GRIK4: variants seen among roughly 807,000 people sequenced by gnomAD.
GRIK4 encodes glutamate ionotropic receptor kainate type subunit 4.
Under a neutral mutation model 104.9 loss-of-function variants are expected in GRIK4, and 40 were observed. That is an observed-to-expected ratio of 0.38 (90% confidence interval 0.30 to 0.50). The LOEUF (loss-of-function observed/expected upper bound fraction) is 0.50, where lower values mean the gene tolerates loss of function less well. GRIK4 is among the 20% of genes least tolerant of loss of function. GRIK4 has a pLI of 0.93. For synonymous variants in GRIK4, 485 were observed against 524.9 expected (o/e 0.92, Z 1.04); for missense variants, 1,047 against 1,308.1 (o/e 0.80, Z 3.08).
At chr11:120,650,599 C>A (rs1949604228) in intron 1 of GRIK4, among the ~76,000 whole-genome samples, 1 of 152,222 alleles carries the variant, frequency 6.6e-6, no homozygotes, top group South Asian at 2.1e-4. Context: ...CCTTCACAGT[C>A]TGTAATTATG....
intron 3 of GRIK4, among the ~76,000 whole-genome samples, chr11:120,688,064 C>T (rs1194332577): frequency 6.6e-6 from 1 of 152,168 alleles, no homozygotes; most frequent in Non-Finnish European, 1.5e-5. Flanking sequence ...TCTTTGTCCC[C>T]CAGCAGCAGT....
intron 3 of GRIK4, among the ~76,000 whole-genome samples, chr11:120,691,308 GGGAAGATTCAGGGT>G (rs1340059921): frequency 6.6e-6 from 1 of 152,156 alleles, no homozygotes; most frequent in Admixed American, 6.5e-5. Flanking sequence ...AGTTAAGGTT[GGGAAGATTCAGGGT>G]GGAAGGAGGA....
chr11:120,777,338 A>G (rs556023686), intron 3 of GRIK4, among the ~76,000 whole-genome samples: 3 of 152,276 alleles, frequency 2.0e-5, no homozygotes, highest in East Asian at 1.9e-4. Flanking sequence ...GTAGATTTCT[A>G]TCTTACAACT....
intron 1 of GRIK4, among the ~76,000 whole-genome samples, chr11:120,640,832 C>A (rs1316530682): frequency 6.6e-6 from 1 of 152,154 alleles, no homozygotes. Flanking sequence ...CCTCAGCCTC[C>A]TGAGTAGCTG....
At chr11:120,595,892 G>T (rs1342033748) in intron 1 of GRIK4, among the ~76,000 whole-genome samples, 2 of 152,226 alleles carry the variant, frequency 1.3e-5, no homozygotes, top group Non-Finnish European at 2.9e-5. Context: ...TGTTGCCTGG[G>T]CTGGAGTGCA....
intron 1 of GRIK4, among the ~76,000 whole-genome samples, chr11:120,544,387 G>C (rs1452885229): frequency 6.6e-6 from 1 of 152,090 alleles, no homozygotes; most frequent in Non-Finnish European, 1.5e-5. Flanking sequence ...CTAGAGTGCA[G>C]TGGCATGATC....
chr11:120,897,997 A>C (rs1794694317), intron 11 of GRIK4, among the ~76,000 whole-genome samples: 1 of 152,116 alleles, frequency 6.6e-6, no homozygotes, highest in South Asian at 2.1e-4. Context: ...GATGTGAATA[A>C]CTTGCCTGAG....
intron 1 of GRIK4, among the ~76,000 whole-genome samples, chr11:120,642,980 C>T (rs1240659707): frequency 6.6e-6 from 1 of 152,156 alleles, no homozygotes; most frequent in Non-Finnish European, 1.5e-5. Context: ...TCCACTTGCA[C>T]TGGGAGTGTT....
chr11:120,879,456 T>C (rs1358608782), intron 11 of GRIK4, among the ~76,000 whole-genome samples: 3 of 152,224 alleles, frequency 2.0e-5, no homozygotes, highest in Non-Finnish European at 2.9e-5. Context: ...TGGGTTGCAA[T>C]TGGTAAAACG....
intron 3 of GRIK4, among the ~76,000 whole-genome samples, chr11:120,701,857 G>A (rs1950556478): frequency 6.6e-6 from 1 of 151,778 alleles, no homozygotes; most frequent in Non-Finnish European, 1.5e-5. Context: ...TTGGAATTCT[G>A]GATAGATTTT....
chr11:120,948,082 C>A (rs1416442803), intron 14 of GRIK4, among the ~76,000 whole-genome samples: 1 of 152,176 alleles, frequency 6.6e-6, no homozygotes, highest in Non-Finnish European at 1.5e-5. Context: ...ATTGCAGACA[C>A]ACTGAGGGAA....
intron 3 of GRIK4, among the ~76,000 whole-genome samples, chr11:120,736,995 G>A (rs554403908): frequency 1.6e-4 from 25 of 152,306 alleles, no homozygotes; most frequent in African/African-American, 5.8e-4. Flanking sequence ...AGAAGCCAAC[G>A]TAAGAGGATT....
intron 1 of GRIK4, among the ~76,000 whole-genome samples, chr11:120,585,022 T>C (rs867566777): frequency 1.3e-5 from 2 of 152,206 alleles, no homozygotes; most frequent in African/African-American, 4.8e-5. Context: ...TGAAATTGTC[T>C]TTTTTTGTTG....
intron 1 of GRIK4, among the ~76,000 whole-genome samples, chr11:120,525,284 A>C (rs1174440815): frequency 6.6e-6 from 1 of 152,208 alleles, no homozygotes; most frequent in East Asian, 1.9e-4. Context: ...AACTTGCCTG[A>C]GATCATGTGA....
intron 19 of GRIK4, among the ~76,000 whole-genome samples, chr11:120,976,353 T>A (rs1050268618): frequency 7.2e-5 from 11 of 152,194 alleles, no homozygotes; most frequent in African/African-American, 2.7e-4. Context: ...ATGTGCTAGG[T>A]CTAGTCACCA....
intron 1 of GRIK4, among the ~76,000 whole-genome samples, chr11:120,625,162 C>T (rs1269068050): frequency 6.6e-6 from 1 of 152,140 alleles, no homozygotes; most frequent in Non-Finnish European, 1.5e-5. Context: ...GTAGTCCCAG[C>T]TACTCGGGAG....
intron 3 of GRIK4, among the ~76,000 whole-genome samples, chr11:120,702,080 C>T (rs1043128215): frequency 6.6e-6 from 1 of 151,616 alleles, no homozygotes; most frequent in African/African-American, 2.4e-5. Flanking sequence ...CTCAGCCACC[C>T]GAGTAGCTGG....
At chr11:120,722,178 T>G (rs2135377531) in intron 3 of GRIK4, among the ~76,000 whole-genome samples, 1 of 152,248 alleles carries the variant, frequency 6.6e-6, no homozygotes, top group Admixed American at 6.5e-5. Context: ...TGTGGATCCC[T>G]CATTCAGCAA....
chr11:120,844,142 C>T (rs968800021), intron 8 of GRIK4, among the ~76,000 whole-genome samples: 3 of 152,128 alleles, frequency 2.0e-5, no homozygotes, highest in Non-Finnish European at 4.4e-5. Flanking sequence ...AAAGGGGACC[C>T]AGGGCAGACA....
Sources: gnomAD v4.1 joint callset for allele counts (sites outside exome capture counted in the v4.1 genomes callset) on GRCh38, gnomAD v4.1.1 for gene constraint, MANE v1.5 for transcripts, NCBI Gene and HGNC (gene_info 2026-07-23, HGNC 2026-07-21) for gene names.